Variants in CTAGE1 observed in about 807,000 individuals in gnomAD.
CTAGE1 encodes cTAGE family member 2.
For missense variants in CTAGE1, 963 were observed against 855.9 expected, an observed-to-expected ratio of 1.13 and a Z score of -1.56; for synonymous variants, 332 against 302.8, an observed-to-expected ratio of 1.10 and a Z score of -1.00.
In CTAGE1 at chr18:22,414,970, AAG is replaced by A. The variant is rs2034992655; in HGVS notation, c.*602_*603del. The A allele has an allele frequency of 1.7e-6, 1 of 602,708 alleles. No individual in the cohort carries two copies. Among genetic ancestry groups the A allele is most frequent in the Non-Finnish European group, 2.9e-6 (1 of 342,124 alleles). The allele number at this position is 602,708 out of a possible 1,614,324, so 37.3% of individuals were successfully genotyped here. On this transcript the variant is annotated 3_prime_UTR_variant, in exon 1 of 1. Coordinates refer to ENST00000391403, the MANE Select transcript of CTAGE1 (RefSeq NM_172241.3). ...CTGCTATAAATGTTTTACACTCTCA[AAG>A]TACTGAAAGAGGATATAAAATCTAT...
At position 22,414,370 on chromosome 18, in the gene CTAGE1, ACTTTT is replaced by A; in HGVS notation, c.*1199_*1203del. 1 of 348,790 alleles carries A rather than the reference ACTTTT, an allele frequency of 2.9e-6. No individual in the cohort carries two copies. The highest frequency in any genetic ancestry group is 2.1e-5 in the African/African-American group (1 of 47,742). The allele number at this position is 348,790 out of a possible 1,614,324, so 21.6% of individuals were successfully genotyped here. ...AGGGCACCTCATGTCTCAAATAGTTACTTTTCTTTTATTTTATTACATTCAAGCAG... is the reference window on the plus strand; with the variant it reads ...AGGGCACCTCATGTCTCAAATAGTTACTTTTATTTTATTACATTCAAGCAG... On this transcript the variant is annotated 3_prime_UTR_variant, in exon 1 of 1. Transcript: ENST00000391403.
chr18:22,416,944 C>T lies in CTAGE1; in HGVS notation c.868G>A (p.Ala290Thr). The T allele has an allele frequency of 6.2e-7, 1 of 1,614,014 alleles. No individual in the cohort carries two copies. Among genetic ancestry groups the T allele is most frequent in the Non-Finnish European group, 8.5e-7 (1 of 1,179,920 alleles). ...GTTTTTAAGGAAGCATTTAACTTAGCAGCATGAATCAGTTTCTTCAAAGCT... is the reference window on the plus strand; with the variant it reads ...GTTTTTAAGGAAGCATTTAACTTAGTAGCATGAATCAGTTTCTTCAAAGCT... ...KGALKKLIHA[A>T]KLNASLKTLE... Residue 290 changes from alanine to threonine, a missense_variant, in exon 1 of 1, where the codon GCT becomes ACT. Coordinates refer to ENST00000391403, the MANE Select transcript of CTAGE1 (RefSeq NM_172241.3).
In CTAGE1 at chr18:22,414,781, A is replaced by T. The variant is rs1456646202; in HGVS notation, c.*793T>A. 2.8e-6 allele frequency: 2 copies of T among 702,918 alleles called. No homozygotes were observed. The highest frequency in any genetic ancestry group is 4.0e-5 in the Admixed American group (2 of 50,020). The allele number at this position is 702,918 out of a possible 1,614,324, so 43.5% of individuals were successfully genotyped here. A position where few individuals can be genotyped will look rare whatever the true frequency, so the allele number is the denominator to read the frequency against. ...CTGGGGCAAGTAAAAGTTCTGGATA[A>T]AGTTGTTCCCACCAAATAAAAATAA... On this transcript the variant is annotated 3_prime_UTR_variant, in exon 1 of 1. Coordinates refer to ENST00000391403, the MANE Select transcript of CTAGE1 (RefSeq NM_172241.3).
Position 22,416,619 on chromosome 18 carries a change from A to G in CTAGE1, c.1193T>C (p.Leu398Pro). 2 of 1,613,464 alleles carry G rather than the reference A, an allele frequency of 1.2e-6. No homozygotes were observed. The highest frequency in any genetic ancestry group is 1.1e-5 in the South Asian group (1 of 90,702). ...TTTGGCTCGCTTTCGGTAGGTCTCC[A>G]GCTCTTCAGTGGCATGGCTGATCAT... ...DEMISHATEE[L>P]ETYRKRAKDL... is the part of the protein sequence containing the mutation. The change falls in exon 1 of 1, where the codon CTG (leucine) becomes CCG (proline). Residue 398 changes from leucine (L) to proline (P), a missense_variant. Transcript: ENST00000391403.
chr18:22,415,057 AT>A lies in CTAGE1; in HGVS notation c.*516del. ...TGAAATATTCTAACAGTTACATAGT[AT>A]TCTACCTTCCCACCTGTGCATATTT... is the stretch of plus-strand genomic sequence containing the variant. On this transcript the variant is annotated 3_prime_UTR_variant, in exon 1 of 1. Coordinates refer to ENST00000391403, the MANE Select transcript of CTAGE1 (RefSeq NM_172241.3). The A allele has an allele frequency of 2.3e-6, 1 of 429,782 alleles. No individual in the cohort carries two copies. The highest frequency in any genetic ancestry group is 4.1e-6 in the Non-Finnish European group (1 of 245,282). The allele number at this position is 429,782 out of a possible 1,614,324, so 26.6% of individuals were successfully genotyped here.
chr18:22,417,840 CG>C lies in CTAGE1; in HGVS notation c.-30del. 1 of 1,609,864 alleles carries C rather than the reference CG, an allele frequency of 6.2e-7. No individual in the cohort carries two copies. On this transcript the variant is annotated 5_prime_UTR_variant, in exon 1 of 1. Coordinates refer to ENST00000391403, the MANE Select transcript of CTAGE1 (RefSeq NM_172241.3). ...TTCAGTCAGTGCTGCCACAACCCTG[CG>C]TAGCAACTCCAGGACCAGCCCCAGG...
In CTAGE1 at chr18:22,415,095, T is replaced by C; in HGVS notation, c.*479A>G. 1 of 243,738 alleles carries C rather than the reference T, an allele frequency of 4.1e-6. No homozygotes were observed. Among genetic ancestry groups the C allele is most frequent in the Non-Finnish European group, 7.7e-6 (1 of 129,508 alleles). 15.1% of individuals were successfully genotyped at this position (243,738 alleles called of 1,614,324 possible). On this transcript the variant is annotated 3_prime_UTR_variant, in exon 1 of 1. Transcript: ENST00000391403. ...ACCTGTGCATATTTATATATTTCTT[T>C]TTTTAAATTTTTTAAATTTTTTTAA... is the stretch of plus-strand genomic sequence containing the variant.
In CTAGE1 at chr18:22,417,265, T is replaced by C. The variant is rs1390703318; in HGVS notation, c.547A>G (p.Lys183Glu). Residue 183 changes from lysine (K) to glutamate (E), a missense_variant, in exon 1 of 1, where the codon AAA (lysine) becomes GAA (glutamate). Coordinates refer to ENST00000391403, the MANE Select transcript of CTAGE1 (RefSeq NM_172241.3). ...RLEIEIQDAW[K>E]ENSELQESQK... ...CTTTCCTGAAGTTCAGAATTTTCTT[T>C]CCAAGCATCTTGTATTTCTATCTCC... 11 of 1,613,856 alleles carry C rather than the reference T, an allele frequency of 6.8e-6. No individual in the cohort carries two copies. The African/African-American group carries it at 1.3e-4, about 20-fold the overall frequency.
Position 22,416,602 on chromosome 18 carries a change from G to T in CTAGE1, c.1210C>A (p.Arg404=), listed in dbSNP as rs574345908. 6.2e-7 allele frequency: 1 copy of T among 1,610,848 alleles called. No homozygotes were observed. ...TCAAATTCTTTAAGATCTTTGGCTC[G>T]CTTTCGGTAGGTCTCCAGCTCTTCA... The part of the protein sequence containing the change: ...ATEELETYRK[R]AKDLKEFEKT... The change falls in exon 1 of 1, where the codon CGA becomes AGA. Residue 404 remains arginine, a synonymous_variant. Transcript: ENST00000391403.
At position 22,414,882 on chromosome 18, in the gene CTAGE1, A is replaced by G. The variant is rs1171816949; in HGVS notation, c.*692T>C. 1.5e-6 allele frequency: 1 copy of G among 682,418 alleles called. No homozygotes were observed. Among genetic ancestry groups the G allele is most frequent in the Non-Finnish European group, 2.6e-6 (1 of 378,544 alleles). The allele number at this position is 682,418 out of a possible 1,614,324, so 42.3% of individuals were successfully genotyped here. On this transcript the variant is annotated 3_prime_UTR_variant, in exon 1 of 1. Coordinates refer to ENST00000391403, the MANE Select transcript of CTAGE1 (RefSeq NM_172241.3). The stretch of plus-strand genomic sequence containing the variant: ...GAAGAAATTAGCTTAGGGAAGACGA[A>G]GGGAAGGAAAGGGAGGGCGAAGAAA...
At position 22,414,454 on chromosome 18, in the gene CTAGE1, A is replaced by T; in HGVS notation, c.*1120T>A. On this transcript the variant is annotated 3_prime_UTR_variant, in exon 1 of 1. Coordinates refer to ENST00000391403, the MANE Select transcript of CTAGE1 (RefSeq NM_172241.3). ...AGGCATGTGAGCTAGGATGCTTTTT[A>T]AAAGTGAGGGCAGGTTGTCCCCAAA... 5.4e-6 allele frequency: 3 copies of T among 554,858 alleles called. No individual in the cohort carries two copies. The highest frequency in any genetic ancestry group is 3.3e-5 in the Admixed American group (1 of 29,960). The allele number at this position is 554,858 out of a possible 1,614,324, so 34.4% of individuals were successfully genotyped here. A position where few individuals can be genotyped will look rare whatever the true frequency, so the allele number is the denominator to read the frequency against.
chr18:22,415,385 A>G lies in CTAGE1; in HGVS notation c.*189T>C. On this transcript the variant is annotated 3_prime_UTR_variant, in exon 1 of 1. Transcript: ENST00000391403. ...ATACTATCCTGGGAATTATAGTTCC[A>G]TTAAGTTTCAATCTGAACAAAAGTG... The G allele has an allele frequency of 1.8e-6, 1 of 548,210 alleles. No individual in the cohort carries two copies. The highest frequency in any genetic ancestry group is 3.3e-6 in the Non-Finnish European group (1 of 307,602). 34.0% of individuals were successfully genotyped at this position (548,210 alleles called of 1,614,324 possible).
rs976176275 is a variant in CTAGE1 at position 22,413,981 on chromosome 18, A to T, written c.*1593T>A. ...AATTCCTCTAGAAAGAGTTCTGTGG[A>T]TATGATACATAGACAGAAATCCAGA... On this transcript the variant is annotated 3_prime_UTR_variant, in exon 1 of 1. Transcript: ENST00000391403. 6.6e-6 allele frequency: 1 copy of T among 152,242 alleles called. No homozygotes were observed. The highest frequency in any genetic ancestry group is 1.5e-5 in the Non-Finnish European group (1 of 68,048). The allele number at this position is 152,242 out of a possible 1,614,324, so 9.4% of individuals were successfully genotyped here. A position where few individuals can be genotyped will look rare whatever the true frequency, so the allele number is the denominator to read the frequency against.
At position 22,414,879 on chromosome 18, in the gene CTAGE1, C is replaced by T. The variant is rs150287394; in HGVS notation, c.*695G>A. The T allele has an allele frequency of 2.3e-3, 1,570 of 684,684 alleles. 18 individuals are homozygous for T. Among genetic ancestry groups the T allele is most frequent in the South Asian group, 1.0e-3 (65 of 63,760 alleles). 42.4% of individuals were successfully genotyped at this position (684,684 alleles called of 1,614,324 possible). On this transcript the variant is annotated 3_prime_UTR_variant, in exon 1 of 1. Coordinates refer to ENST00000391403, the MANE Select transcript of CTAGE1 (RefSeq NM_172241.3). ...TAGGAAGAAATTAGCTTAGGGAAGA[C>T]GAAGGGAAGGAAAGGGAGGGCGAAG...
chr18:22,414,945 C>G lies in CTAGE1; in HGVS notation c.*629G>C. 2 of 622,890 alleles carry G rather than the reference C, an allele frequency of 3.2e-6. No individual in the cohort carries two copies. The highest frequency in any genetic ancestry group is 2.7e-5 in the East Asian group (1 of 36,756). The allele number at this position is 622,890 out of a possible 1,614,324, so 38.6% of individuals were successfully genotyped here. On this transcript the variant is annotated 3_prime_UTR_variant, in exon 1 of 1. Coordinates refer to ENST00000391403, the MANE Select transcript of CTAGE1 (RefSeq NM_172241.3). The stretch of plus-strand genomic sequence containing the variant: ...AAAACAGAGGAAACACGAATACTTT[C>G]TGCTATAAATGTTTTACACTCTCAA...
Position 22,414,766 on chromosome 18 carries a change from T to G in CTAGE1, c.*808A>C, listed in dbSNP as rs2034989539. 4.3e-6 allele frequency: 3 copies of G among 702,854 alleles called. No homozygotes were observed. The highest frequency in any genetic ancestry group is 1.5e-5 in the South Asian group (1 of 67,588). 43.5% of individuals were successfully genotyped at this position (702,854 alleles called of 1,614,324 possible). The stretch of plus-strand genomic sequence containing the variant: ...CTGATCTATATAATTCTGGGGCAAG[T>G]AAAAGTTCTGGATAAAGTTGTTCCC... On this transcript the variant is annotated 3_prime_UTR_variant, in exon 1 of 1. Coordinates refer to ENST00000391403, the MANE Select transcript of CTAGE1 (RefSeq NM_172241.3).
At position 22,416,125 on chromosome 18, in the gene CTAGE1, G is replaced by A; in HGVS notation, c.1687C>T (p.Pro563Ser). The A allele has an allele frequency of 1.2e-6, 2 of 1,613,954 alleles. No individual in the cohort carries two copies. Among genetic ancestry groups the A allele is most frequent in the Non-Finnish European group, 1.7e-6 (2 of 1,179,866 alleles). The change falls in exon 1 of 1, where the codon CCC becomes TCC. Residue 563 changes from proline to serine, a missense_variant. Pro to Ser is a moderately conservative substitution (Grantham distance 74). Coordinates refer to ENST00000391403, the MANE Select transcript of CTAGE1 (RefSeq NM_172241.3). ...DPHRAPSDAG[P>S]LAPPWEQDYR... ...TCCTGTTCCCACGGAGGTGCCAGGG[G>A]CCCAGCGTCAGAAGGAGCCCTGTGA...
At position 22,414,872 on chromosome 18, in the gene CTAGE1, G is replaced by C. The variant is rs1184068254; in HGVS notation, c.*702C>G. 1 of 690,808 alleles carries C rather than the reference G, an allele frequency of 1.4e-6. No homozygotes were observed. The highest frequency in any genetic ancestry group is 1.5e-5 in the South Asian group (1 of 64,838). The allele number at this position is 690,808 out of a possible 1,614,324, so 42.8% of individuals were successfully genotyped here. On this transcript the variant is annotated 3_prime_UTR_variant, in exon 1 of 1. Coordinates refer to ENST00000391403, the MANE Select transcript of CTAGE1 (RefSeq NM_172241.3). Reference sequence around the variant, plus strand: ...ACAAACATAGGAAGAAATTAGCTTAGGGAAGACGAAGGGAAGGAAAGGGAG... The same window carrying C: ...ACAAACATAGGAAGAAATTAGCTTACGGAAGACGAAGGGAAGGAAAGGGAG...
At position 22,417,850 on chromosome 18, in the gene CTAGE1, C is replaced by A. The variant is rs765956584; in HGVS notation, c.-39G>T. On this transcript the variant is annotated 5_prime_UTR_variant, in exon 1 of 1. Transcript: ENST00000391403. ...GCTGCCACAACCCTGCGTAGCAACT[C>A]CAGGACCAGCCCCAGGTATGGCTGA... The A allele has an allele frequency of 1.5e-5, 24 of 1,597,886 alleles. No individual in the cohort carries two copies. Among genetic ancestry groups the A allele is most frequent in the Non-Finnish European group, 1.9e-5 (22 of 1,165,590 alleles).
Sources: gnomAD v4.1 joint callset for allele counts on GRCh38, gnomAD v4.1.1 for gene constraint, MANE v1.5 for transcripts, NCBI Gene and HGNC (gene_info 2026-07-23, HGNC 2026-07-21) for gene names.